Variants in KCNH8 observed in about 807,000 individuals in gnomAD.
KCNH8 encodes potassium voltage-gated channel subfamily H member 8, also known as voltage-gated delayed rectifier potassium channel KCNH8.
Under a neutral mutation model 103.6 loss-of-function variants are expected in KCNH8, and 70 were observed. The observed-to-expected ratio is 0.68, with a 90% CI of 0.56 to 0.82. KCNH8 has a LOEUF of 0.82. Ranked by LOEUF, KCNH8 falls within the 40% of genes least tolerant of loss-of-function variation. The pLI is 0.00. For synonymous variants in KCNH8, 498 were observed against 489.4 expected, an observed-to-expected ratio of 1.02 and a Z score of -0.23; for missense variants, 1,217 against 1,329.9, an observed-to-expected ratio of 0.92 and a Z score of 1.32.
At chr3:19,414,378 T>C (rs866605730) in intron 7 of KCNH8, among the ~76,000 whole-genome samples, 1 of 149,666 alleles carries the variant, frequency 6.7e-6, no homozygotes, top group African/African-American at 2.5e-5. Flanking sequence ...AACATACAAA[T>C]CAAACAAATC....
intron 5 of KCNH8, among the ~76,000 whole-genome samples, chr3:19,361,525 G>C (rs1490521071): frequency 6.6e-6 from 1 of 152,060 alleles, no homozygotes; most frequent in Non-Finnish European, 1.5e-5. Flanking sequence ...CTAGTTTGCC[G>C]ATTCTCAGAG....
intron 9 of KCNH8, chr3:19,450,916 G>C: frequency 2.0e-6 from 1 of 498,722 alleles, no homozygotes; most frequent in South Asian, 2.4e-5. Context: ...TTTCCTGCTA[G>C]AGGCTTTTTT....
intron 15 of KCNH8, among the ~76,000 whole-genome samples, chr3:19,524,140 C>T (rs780654038): frequency 2.0e-5 from 3 of 151,794 alleles, no homozygotes; most frequent in Non-Finnish European, 4.4e-5. Flanking sequence ...ATTCCTTAGT[C>T]CTCTGAATTA....
At chr3:19,496,706 A>C (rs1178140193) in intron 11 of KCNH8, among the ~76,000 whole-genome samples, 1 of 152,184 alleles carries the variant, frequency 6.6e-6, no homozygotes, top group African/African-American at 2.4e-5. Context: ...CTGGCCTCAT[A>C]AAATGAGTTA....
intron 11 of KCNH8, among the ~76,000 whole-genome samples, chr3:19,470,146 G>A (rs1288521056): frequency 6.6e-6 from 1 of 152,130 alleles, no homozygotes; most frequent in African/African-American, 2.4e-5. Flanking sequence ...GTTAAGTTTG[G>A]AGGTAATTCA....
chr3:19,161,514 T>C (rs1316559247), intron 1 of KCNH8, among the ~76,000 whole-genome samples: 1 of 152,200 alleles, frequency 6.6e-6, no homozygotes, highest in Non-Finnish European at 1.5e-5. Flanking sequence ...TGGCAAGTAT[T>C]CATGTCATCA....
At chr3:19,172,062 G>A (rs542991352) in intron 1 of KCNH8, among the ~76,000 whole-genome samples, 7 of 152,112 alleles carry the variant, frequency 4.6e-5, no homozygotes, top group South Asian at 2.1e-4. Flanking sequence ...GGATTTTCTC[G>A]GCAAAAATGT....
At chr3:19,460,850 T>G (rs1052223318) in intron 11 of KCNH8, among the ~76,000 whole-genome samples, 3 of 152,164 alleles carry the variant, frequency 2.0e-5, no homozygotes, top group Non-Finnish European at 4.4e-5. Context: ...TAAGATCTGA[T>G]GGTTTCATAA....
At chr3:19,324,685 G>A (rs905303085) in intron 3 of KCNH8, among the ~76,000 whole-genome samples, 2 of 152,096 alleles carry the variant, frequency 1.3e-5, no homozygotes, top group Non-Finnish European at 2.9e-5. Context: ...GAAGAAATCA[G>A]AGATCACACA....
intron 7 of KCNH8, among the ~76,000 whole-genome samples, chr3:19,410,878 C>CAAA (rs4021206): frequency 0.028 from 1,773 of 63,312 alleles, 42 homozygotes; most frequent in African/African-American, 0.059. Flanking sequence ...GCCTACCAAG[C>CAAA]AAAAAAAAAA....
chr3:19,355,927 T>A (rs1222073659), intron 5 of KCNH8, among the ~76,000 whole-genome samples: 1 of 151,606 alleles, frequency 6.6e-6, no homozygotes, highest in Non-Finnish European at 1.5e-5. Flanking sequence ...GTGGTAAAAT[T>A]TACATGTATA....
intron 1 of KCNH8, among the ~76,000 whole-genome samples, chr3:19,169,255 CTTTTTT>C (rs768036667): frequency 8.0e-6 from 1 of 124,964 alleles, no homozygotes; most frequent in Non-Finnish European, 1.7e-5. Flanking sequence ...TTCTTTCTTT[CTTTTTT>C]TTTTTTTTTT....
chr3:19,250,925 G>T (rs1386091863), intron 1 of KCNH8, among the ~76,000 whole-genome samples: 1 of 152,148 alleles, frequency 6.6e-6, no homozygotes, highest in East Asian at 1.9e-4. Flanking sequence ...ATAATAGAAA[G>T]TTAATAAACA....
chr3:19,425,061 T>G (rs536935615), intron 7 of KCNH8, among the ~76,000 whole-genome samples: 1 of 152,316 alleles, frequency 6.6e-6, no homozygotes, highest in South Asian at 2.1e-4. Context: ...TTCTTTTGTT[T>G]CTGATTTTGA....
At chr3:19,262,110 T>C (rs1024584586) in intron 2 of KCNH8, among the ~76,000 whole-genome samples, 2 of 151,964 alleles carry the variant, frequency 1.3e-5, no homozygotes, top group African/African-American at 4.8e-5. Context: ...GGTGGTTCCA[T>C]ATGAATTTTA....
chr3:19,301,333 A>T (rs2065061997), intron 3 of KCNH8, among the ~76,000 whole-genome samples: 1 of 149,024 alleles, frequency 6.7e-6, no homozygotes, highest in East Asian at 1.9e-4. Flanking sequence ...ATATAAAGAA[A>T]ATACAAATAT....
chr3:19,223,537 T>G (rs2063898349), intron 1 of KCNH8, among the ~76,000 whole-genome samples: 1 of 152,168 alleles, frequency 6.6e-6, no homozygotes, highest in African/African-American at 2.4e-5. Context: ...TACTTATCTA[T>G]GTGTTCATGC....
At chr3:19,306,020 C>G (rs1242485786) in intron 3 of KCNH8, among the ~76,000 whole-genome samples, 1 of 152,010 alleles carries the variant, frequency 6.6e-6, no homozygotes, top group African/African-American at 2.4e-5. Flanking sequence ...ATTAAATGGA[C>G]AAAACTCTTG....
At chr3:19,376,441 C>G (rs1018755667) in intron 5 of KCNH8, among the ~76,000 whole-genome samples, 2 of 152,150 alleles carry the variant, frequency 1.3e-5, no homozygotes, top group Non-Finnish European at 2.9e-5. Flanking sequence ...GAGGCAATGC[C>G]TCTCCCTGCT....
Sources: gnomAD v4.1 joint callset for allele counts (sites outside exome capture counted in the v4.1 genomes callset) on GRCh38, gnomAD v4.1.1 for gene constraint, MANE v1.5 for transcripts, NCBI Gene and HGNC (gene_info 2026-07-23, HGNC 2026-07-21) for gene names.